ERBB4: variants seen among roughly 807,000 people sequenced by gnomAD.
The protein encoded by ERBB4 is erb-b2 receptor tyrosine kinase 4, also known as receptor tyrosine-protein kinase erbB-4.
Under a neutral mutation model 158.0 loss-of-function variants are expected in ERBB4, and 42 were observed. The observed-to-expected ratio is 0.27, with a 90% CI of 0.21 to 0.34. The LOEUF (loss-of-function observed/expected upper bound fraction) is 0.34, where lower values mean the gene tolerates loss of function less well. Among genes scored for constraint, ERBB4 ranks in the 10% least tolerant of loss-of-function variants. The pLI, the probability that ERBB4 is intolerant of heterozygous loss-of-function variation, is 1.00. For missense variants in ERBB4, 1,333 were observed against 1,624.1 expected (o/e 0.82, Z 3.08); for synonymous variants, 583 against 558.7 (o/e 1.04, Z -0.61).
intron 1 of ERBB4, among the ~76,000 whole-genome samples, chr2:212,213,175 A>G (rs576966392): frequency 1.3e-5 from 2 of 151,812 alleles, no homozygotes; most frequent in Non-Finnish European, 2.9e-5. Context: ...CATTTGACAA[A>G]GGTGTAATAT....
At chr2:211,841,787 A>G (rs908701113) in intron 3 of ERBB4, among the ~76,000 whole-genome samples, 1 of 152,074 alleles carries the variant, frequency 6.6e-6, no homozygotes, top group Non-Finnish European at 1.5e-5. Flanking sequence ...AAGCAGAATT[A>G]CCAATTGTAT....
rs140016047 is a variant in ERBB4 at position 212,017,432 on chromosome 2, A to C, written c.235-69816T>G. Among the ~76,000 whole-genome samples the C allele has an allele frequency of 2.7e-3, 412 of 152,238 alleles. 4 individuals carry two copies. The highest frequency in any genetic ancestry group is 9.5e-3 in the African/African-American group (393 of 41,558). On this transcript the variant is annotated intron_variant, in intron 2 of 27. Coordinates refer to ENST00000342788, the MANE Select transcript of ERBB4 (RefSeq NM_005235.3). ...GTTGAAAAGAATCTCAAGTATGAAA[A>C]GATTGAGAAGAATTCCCTGGAACAT...
chr2:212,493,256 G>T (rs13383801), intron 1 of ERBB4, among the ~76,000 whole-genome samples: 9,787 of 151,264 alleles, frequency 0.065, 1,075 homozygotes, highest in African/African-American at 0.22. Flanking sequence ...ATAAATAAAT[G>T]TACTTTATTT....
At chr2:212,201,859 G>C (rs528254396) in intron 1 of ERBB4, among the ~76,000 whole-genome samples, 2 of 152,212 alleles carry the variant, frequency 1.3e-5, no homozygotes, top group South Asian at 2.1e-4. Context: ...CATAAGCTTA[G>C]TCATATAGCC....
intron 20 of ERBB4, among the ~76,000 whole-genome samples, chr2:211,524,496 C>T (rs1443632843): frequency 3.3e-5 from 5 of 151,540 alleles, no homozygotes; most frequent in Admixed American, 1.3e-4. Flanking sequence ...TCAGGCATGG[C>T]GGGCTGCAGG....
rs113667118 is a variant in ERBB4, at chr2:212,157,167, C to T, written c.83-32264G>A. ...GGCTTTAGCACTACCCCTCACACTA[C>T]AGACTTCACATATACTGACGTTTTC... On this transcript the variant is annotated intron_variant, in intron 1 of 27. Transcript: ENST00000342788. Among the ~76,000 whole-genome samples the T allele has an allele frequency of 6.6e-3, 1,002 of 152,200 alleles. 7 individuals carry two copies. The highest frequency in any genetic ancestry group is 0.024 in the Middle Eastern group (7 of 294).
intron 1 of ERBB4, among the ~76,000 whole-genome samples, chr2:212,381,776 C>T (rs901971061): frequency 1.3e-5 from 2 of 151,348 alleles, no homozygotes; most frequent in African/African-American, 4.8e-5. Flanking sequence ...TATACCCTCA[C>T]AGATAACCAA....
chr2:211,832,929 A>C (rs1369169904), intron 3 of ERBB4, among the ~76,000 whole-genome samples: 1 of 151,322 alleles, frequency 6.6e-6, no homozygotes, highest in South Asian at 2.1e-4. Flanking sequence ...CATATAAATT[A>C]GAATTCTTGT....
At chr2:212,408,881 A>G (rs1304460099) in intron 1 of ERBB4, among the ~76,000 whole-genome samples, 1 of 152,202 alleles carries the variant, frequency 6.6e-6, no homozygotes, top group Non-Finnish European at 1.5e-5. Flanking sequence ...AGCAATCCTG[A>G]CAAAAACATT....
intron 1 of ERBB4, among the ~76,000 whole-genome samples, chr2:212,322,874 T>C (rs1461294148): frequency 1.3e-5 from 2 of 150,334 alleles, no homozygotes; most frequent in Admixed American, 1.3e-4. Context: ...TCATTTTATA[T>C]ACATATGGTA....
chr2:212,400,991 A>C (rs1272446669), intron 1 of ERBB4, among the ~76,000 whole-genome samples: 1 of 152,182 alleles, frequency 6.6e-6, no homozygotes, highest in Non-Finnish European at 1.5e-5. Flanking sequence ...TCTGAAGTAA[A>C]TTGCTAGAGA....
intron 2 of ERBB4, among the ~76,000 whole-genome samples, chr2:211,997,901 C>CAT (rs1217302597): frequency 6.9e-5 from 3 of 43,564 alleles, no homozygotes; most frequent in Non-Finnish European, 3.7e-4. Context: ...TTTTTATACA[C>CAT]ACACACATCA....
At chr2:212,481,856 A>T (rs1671308210) in intron 1 of ERBB4, among the ~76,000 whole-genome samples, 1 of 152,222 alleles carries the variant, frequency 6.6e-6, no homozygotes, top group Admixed American at 6.5e-5. Flanking sequence ...ATATATTTCC[A>T]GATTGACATA....
chr2:211,770,179 A>C (rs986948636), intron 4 of ERBB4, among the ~76,000 whole-genome samples: 1 of 152,240 alleles, frequency 6.6e-6, no homozygotes, highest in African/African-American at 2.4e-5. Context: ...GAAGATCACC[A>C]GATGTCTCTT....
chr2:212,161,718 G>A (rs1197396172), intron 1 of ERBB4, among the ~76,000 whole-genome samples: 1 of 151,818 alleles, frequency 6.6e-6, no homozygotes, highest in Non-Finnish European at 1.5e-5. Context: ...CCATCTGGCA[G>A]TACACTAGTC....
chr2:211,959,898 T>G (rs2081135156), intron 2 of ERBB4, among the ~76,000 whole-genome samples: 1 of 151,972 alleles, frequency 6.6e-6, no homozygotes, highest in African/African-American at 2.4e-5. Flanking sequence ...AATAACACGT[T>G]TAAGATGCAA....
intron 9 of ERBB4, among the ~76,000 whole-genome samples, chr2:211,710,397 G>A (rs1021233915): frequency 6.6e-6 from 1 of 151,852 alleles, no homozygotes; most frequent in East Asian, 1.9e-4. Flanking sequence ...TCAAATTGTG[G>A]GTATATTGCC....
intron 3 of ERBB4, among the ~76,000 whole-genome samples, chr2:211,902,047 T>C (rs148698110): frequency 3.2e-4 from 49 of 152,182 alleles, no homozygotes; most frequent in African/African-American, 1.2e-3. Flanking sequence ...TAGAAAGCTT[T>C]CCAACCTTCC....
chr2:211,566,066 C>A (rs1206160685), intron 19 of ERBB4, among the ~76,000 whole-genome samples: 2 of 152,180 alleles, frequency 1.3e-5, no homozygotes, highest in African/African-American at 4.8e-5. Context: ...TCCGGGTGCA[C>A]TTTGAGGCGT....
Sources: allele counts gnomAD v4.1 joint callset (sites outside exome capture counted in the v4.1 genomes callset), GRCh38; gene constraint gnomAD v4.1.1; transcripts MANE v1.5; gene names NCBI Gene and HGNC (gene_info 2026-07-23, HGNC 2026-07-21).